Variants in AHCY observed in about 807,000 individuals in gnomAD.
AHCY encodes S-adenosyl-L-homocysteine hydrolase.
AHCY carries 24 observed loss-of-function variants against 45.4 expected under a neutral mutation model. The observed-to-expected ratio is 0.53, with a 90% CI of 0.38 to 0.74. The LOEUF is 0.74. Ranked by LOEUF, AHCY falls within the 30% of genes least tolerant of loss-of-function variation. The pLI, the probability that AHCY is intolerant of heterozygous loss-of-function variation, is 0.00. For missense variants in AHCY, 449 were observed against 594.1 expected (o/e 0.76, Z 2.54); for synonymous variants, 245 against 235.1 (o/e 1.04, Z -0.39).
chr20:34,238,022 G>C, the AHCY span, among the ~76,000 whole-genome samples: 32 of 152,246 alleles, frequency 2.1e-4, no homozygotes, highest in East Asian at 4.8e-3. Flanking sequence ...TGATTTTATT[G>C]AGGATTTATT....
At chr20:34,251,552 G>A in the AHCY span, among the ~76,000 whole-genome samples, 7 of 152,284 alleles carry the variant, frequency 4.6e-5, no homozygotes, top group East Asian at 1.4e-3. Context: ...GGGATTACAG[G>A]CATGAGCCAC....
intron 2 of AHCY, 66 bp from the exon 3 acceptor site, chr20:34,294,222 G>T: frequency 7.0e-7 from 1 of 1,421,754 alleles, no homozygotes; most frequent in Non-Finnish European, 9.8e-7. Context: ...GACGCTGGGC[G>T]AGGAAAAGGG....
chr20:34,279,574 T>C (rs1191584593), downstream of AHCY, among the ~76,000 whole-genome samples: 2 of 152,172 alleles, frequency 1.3e-5, no homozygotes, highest in Non-Finnish European at 2.9e-5. Flanking sequence ...AGTACCAAAG[T>C]CTGTACACTA....
At chr20:34,294,240 C>G (rs1398461746) in intron 2 of AHCY, 84 bp from the exon 3 acceptor site, 1 of 1,260,898 alleles carries the variant, frequency 7.9e-7, no homozygotes, top group Non-Finnish European at 1.1e-6. Context: ...GGGAGAGCTT[C>G]GGGTAGTGGG....
chr20:34,260,443 C>T, the AHCY span: 7 of 1,614,046 alleles, frequency 4.3e-6, no homozygotes, highest in South Asian at 4.4e-5. Flanking sequence ...CCAACAGCCA[C>T]CTGCCACCTG....
chr20:34,262,971 G>C, the AHCY span: 2 of 1,523,062 alleles, frequency 1.3e-6, no homozygotes, highest in Non-Finnish European at 1.8e-6. Context: ...CCAACCTCTG[G>C]CTAGGAACTA....
chr20:34,260,646 C>A, the AHCY span: 3 of 1,236,096 alleles, frequency 2.4e-6, no homozygotes, highest in South Asian at 3.3e-5. Context: ...CCTTCTTGCT[C>A]GTTCCAGGAA....
At chr20:34,236,009 A>AAG in the AHCY span, among the ~76,000 whole-genome samples, 3 of 107,518 alleles carry the variant, frequency 2.8e-5, no homozygotes, top group Non-Finnish European at 5.0e-5. Context: ...GGAGAAAGAG[A>AAG]GAAAGAGAGA....
At chr20:34,237,366 C>T in the AHCY span, among the ~76,000 whole-genome samples, 2 of 152,114 alleles carry the variant, frequency 1.3e-5, no homozygotes, top group Non-Finnish European at 2.9e-5. Flanking sequence ...CTATAGTTGT[C>T]ATTGTACACA....
the AHCY span, chr20:34,241,522 AG>A: frequency 1.0e-6 from 1 of 985,322 alleles, no homozygotes; most frequent in African/African-American, 1.7e-5. Flanking sequence ...ATCTGCTTTC[AG>A]GAGTGAAGCT....
chr20:34,266,957 G>A, the AHCY span, among the ~76,000 whole-genome samples: 2 of 152,102 alleles, frequency 1.3e-5, no homozygotes, highest in Non-Finnish European at 2.9e-5. Flanking sequence ...TGTAACCAAA[G>A]CAAGGAGCAC....
chr20:34,282,036 G>T (rs1480772959), intron 9 of AHCY, among the ~76,000 whole-genome samples: 1 of 152,138 alleles, frequency 6.6e-6, no homozygotes, highest in Non-Finnish European at 1.5e-5. Flanking sequence ...TGCTTTTTTT[G>T]ATTAAAATGT....
chr20:34,266,381 AGGCAGATTAGGCCAGGCACGGT>A, the AHCY span, among the ~76,000 whole-genome samples: 1 of 151,040 alleles, frequency 6.6e-6, no homozygotes, highest in African/African-American at 2.4e-5. Flanking sequence ...AAAAAATAAA[AGGCAGATTAGGCCAGGCACGGT>A]GGCTCATAAC....
intron 1 of AHCY, 111 bp downstream of exon 1, chr20:34,303,132 T>C: frequency 6.6e-7 from 1 of 1,508,404 alleles, no homozygotes; most frequent in Admixed American, 2.3e-5. Context: ...GCGCCGAGGC[T>C]GCGATTCCAG....
chr20:34,267,985 T>C, the AHCY span, among the ~76,000 whole-genome samples: 1 of 152,234 alleles, frequency 6.6e-6, no homozygotes, highest in Admixed American at 6.5e-5. Flanking sequence ...ATCTGGTGCA[T>C]AGTTTACAGC....
At chr20:34,269,958 A>AAAAAAAAAAAAAAAAAAAC in the AHCY span, among the ~76,000 whole-genome samples, 1 of 69,974 alleles carries the variant, frequency 1.4e-5, no homozygotes, top group African/African-American at 4.1e-5. Flanking sequence ...AAAAAAAAAA[A>AAAAAAAAAAAAAAAAAAAC]AAAAAAAAAA....
chr20:34,234,447 G>A, the AHCY span, among the ~76,000 whole-genome samples: 2 of 152,152 alleles, frequency 1.3e-5, no homozygotes, highest in African/African-American at 4.8e-5. Flanking sequence ...CAGGCATCCA[G>A]TGGGCGCTAT....
At chr20:34,284,711 T>A (rs1189253749) in intron 9 of AHCY, among the ~76,000 whole-genome samples, 2 of 152,134 alleles carry the variant, frequency 1.3e-5, no homozygotes, top group Non-Finnish European at 2.9e-5. Context: ...TAATCCTAGC[T>A]ACTCAAGAGG....
At chr20:34,291,370 C>T in intron 5 of AHCY, 49 bp downstream of exon 5, 1 of 1,539,532 alleles carries the variant, frequency 6.5e-7, no homozygotes, top group Non-Finnish European at 9.0e-7. Context: ...GAGGCCTCGT[C>T]CTGAGCTGCA....
Sources: gnomAD v4.1 joint callset for allele counts (sites outside exome capture counted in the v4.1 genomes callset) on GRCh38, gnomAD v4.1.1 for gene constraint, MANE v1.5 for transcripts, NCBI Gene and HGNC (gene_info 2026-07-23, HGNC 2026-07-21) for gene names.